NCR2: variants seen among roughly 807,000 people sequenced by gnomAD.
NCR2 encodes the protein natural cytotoxicity triggering receptor 2.
In NCR2, 35 loss-of-function variants were observed where a neutral mutation model predicts 30.7. That is an observed-to-expected ratio of 1.14 (90% CI 0.87 to 1.51). The LOEUF (loss-of-function observed/expected upper bound fraction) is 1.51, where lower values mean the gene tolerates loss of function less well. Among genes scored for constraint, NCR2 ranks in the 40% most tolerant of loss-of-function variants. The pLI, the probability that NCR2 is intolerant of heterozygous loss-of-function variation, is 0.00. For synonymous variants in NCR2, 146 were observed against 134.8 expected (o/e 1.08, Z -0.58); for missense variants, 316 against 328.9 (o/e 0.96, Z 0.30).
chr6:41,337,680 T>C (rs1769068865), intron 2 of NCR2, among the ~76,000 whole-genome samples: 1 of 152,212 alleles, frequency 6.6e-6, no homozygotes, highest in South Asian at 2.1e-4. Flanking sequence ...CACGGAGGTA[T>C]AATGTCAGAA....
chr6:41,345,480 G>A (rs763389149), intron 4 of NCR2, among the ~76,000 whole-genome samples: 59 of 152,046 alleles, frequency 3.9e-4, no homozygotes, highest in Non-Finnish European at 7.4e-4. Flanking sequence ...TGGCAAGAGT[G>A]AGGAGGGACC....
At position 41,347,170 on chromosome 6, in the gene NCR2, G is replaced by A. The variant is rs573717746; in HGVS notation, c.645-3508G>A. 4.6e-5 allele frequency among the ~76,000 whole-genome samples: 7 copies of A among 152,218 alleles called. No homozygotes were observed. The South Asian group carries it at 8.3e-4, about 18-fold the overall frequency. On this transcript the variant is annotated intron_variant, in intron 4 of 4. Coordinates refer to ENST00000373089, the MANE Select transcript of NCR2 (RefSeq NM_004828.4). ...GTGGAGGCTGCAGTGAACTATGATC[G>A]TGCCACTGCACTCCAGCCTAGGTGA... is the stretch of plus-strand genomic sequence containing the variant.
At chr6:41,343,604 T>G (rs1259522097) in intron 4 of NCR2, among the ~76,000 whole-genome samples, 2 of 152,248 alleles carry the variant, frequency 1.3e-5, no homozygotes, top group Non-Finnish European at 2.9e-5. Context: ...AACTCTGCTC[T>G]GCAACCTGGG....
At chr6:41,341,550 T>C (rs952865026) in intron 2 of NCR2, among the ~76,000 whole-genome samples, 3 of 152,080 alleles carry the variant, frequency 2.0e-5, no homozygotes, top group African/African-American at 7.2e-5. Context: ...CTGAGTCCTC[T>C]TCCAGTGCTC....
intron 2 of NCR2, among the ~76,000 whole-genome samples, chr6:41,341,042 A>C (rs1029722712): frequency 6.6e-6 from 1 of 152,008 alleles, no homozygotes; most frequent in African/African-American, 2.4e-5. Context: ...ATGTAGACCT[A>C]GTCTGCTAGG....
At chr6:41,343,580 G>C (rs1769228230) in intron 4 of NCR2, among the ~76,000 whole-genome samples, 1 of 152,240 alleles carries the variant, frequency 6.6e-6, no homozygotes, top group African/African-American at 2.4e-5. Context: ...CTCAGAACCA[G>C]AAGAGGTTTA....
chr6:41,336,477 T>C, intron 2 of NCR2, 49 bp downstream of exon 2: 1 of 1,491,304 alleles, frequency 6.7e-7, no homozygotes, highest in East Asian at 2.3e-5. Flanking sequence ...CACCCCCTTT[T>C]GGTGCCTCCA....
intron 4 of NCR2, among the ~76,000 whole-genome samples, chr6:41,343,905 C>T (rs1464856889): frequency 6.6e-6 from 1 of 152,108 alleles, no homozygotes; most frequent in African/African-American, 2.4e-5. Flanking sequence ...AATCAATGGC[C>T]TCTTATTACT....
intron 4 of NCR2, among the ~76,000 whole-genome samples, chr6:41,344,156 C>T (rs1769245489): frequency 6.6e-6 from 1 of 152,186 alleles, no homozygotes; most frequent in South Asian, 2.1e-4. Flanking sequence ...TACCTCTGTG[C>T]ATTTCTGCCA....
At position 41,341,780 on chromosome 6, in the gene NCR2, C is replaced by T; in HGVS notation, c.395-14C>T. 1 of 1,604,430 alleles carries T rather than the reference C, an allele frequency of 6.2e-7. No homozygotes were observed. The highest frequency in any genetic ancestry group is 2.2e-5 in the East Asian group (1 of 44,792). On this transcript the variant is annotated splice_polypyrimidine_tract_variant and intron_variant, in intron 2 of 4. Transcript: ENST00000373089. ...CTCCCACTCACTAACCACGCTCTTT[C>T]TCCTCCCTGGCAGCCTCTGCCTCCA...
At chr6:41,338,604 A>C (rs1769089050) in intron 2 of NCR2, among the ~76,000 whole-genome samples, 1 of 152,258 alleles carries the variant, frequency 6.6e-6, no homozygotes, top group Non-Finnish European at 1.5e-5. Context: ...GTTTGTGACA[A>C]TTAAGCTAAA....
Position 41,350,825 on chromosome 6 carries a change from G to C in NCR2, c.792G>C (p.Arg264Ser), listed in dbSNP as rs1315367836. 1 of 1,029,404 alleles carries C rather than the reference G, an allele frequency of 9.7e-7. No homozygotes were observed. Among genetic ancestry groups the C allele is most frequent in the African/African-American group, 1.6e-5 (1 of 63,640 alleles). 63.8% of individuals were successfully genotyped at this position (1,029,404 alleles called of 1,614,324 possible). ...AAATATTATATCACACTGTTGCAAG[G>C]ACTAAGATAAGCGATGATGATGATG... is the stretch of plus-strand genomic sequence containing the variant. Reference protein sequence around the residue: ...EREILYHTVARTKISDDDDEH... With the variant: ...EREILYHTVASTKISDDDDEH... Residue 264 changes from arginine to serine, a missense_variant, in exon 5 of 5, where the codon AGG becomes AGC. Transcript: ENST00000373089.
intron 4 of NCR2, among the ~76,000 whole-genome samples, chr6:41,343,528 A>G (rs991567721): frequency 6.6e-6 from 1 of 152,228 alleles, no homozygotes; most frequent in Non-Finnish European, 1.5e-5. Context: ...TAAATTTAAC[A>G]GAGTTTATCT....
chr6:41,336,461 GC>G, intron 2 of NCR2, 33 bp downstream of exon 2: 2 of 1,566,306 alleles, frequency 1.3e-6, no homozygotes. Flanking sequence ...TCAGAGGGGT[GC>G]CCCTCACCCC....
intron 4 of NCR2, among the ~76,000 whole-genome samples, 173 bp from the exon 5 acceptor site, chr6:41,350,505 A>G (rs1769399528): frequency 6.6e-6 from 1 of 152,254 alleles, no homozygotes; most frequent in Non-Finnish European, 1.5e-5. Flanking sequence ...AAATCCATGC[A>G]TGCTCACTGA....
chr6:41,346,449 C>A (rs893753748), intron 4 of NCR2, among the ~76,000 whole-genome samples: 1 of 152,194 alleles, frequency 6.6e-6, no homozygotes, highest in African/African-American at 2.4e-5. Context: ...CCACCCGCCC[C>A]TTTCCGCCAT....
chr6:41,338,105 C>T (rs2114049407), intron 2 of NCR2, among the ~76,000 whole-genome samples: 1 of 152,282 alleles, frequency 6.6e-6, no homozygotes. Context: ...CATTGAAAAA[C>T]ATGTCGCTTT....
At chr6:41,345,761 T>C (rs1002567800) in intron 4 of NCR2, among the ~76,000 whole-genome samples, 1 of 152,106 alleles carries the variant, frequency 6.6e-6, no homozygotes, top group Non-Finnish European at 1.5e-5. Context: ...TTAGCCCCAA[T>C]TCCCACTCGT....
Position 41,341,823 on chromosome 6 carries a change from C to A in NCR2, c.424C>A (p.Pro142Thr). 1.2e-6 allele frequency: 2 copies of A among 1,612,550 alleles called. No homozygotes were observed. The highest frequency in any genetic ancestry group is 1.7e-6 in the Non-Finnish European group (2 of 1,179,780). The change falls in exon 3 of 5, where the codon CCC becomes ACC. Residue 142 changes from proline (P) to threonine (T), a missense_variant. Physicochemically the swap from Pro to Thr is conservative, Grantham distance 38. Coordinates refer to ENST00000373089, the MANE Select transcript of NCR2 (RefSeq NM_004828.4). ...ASASTQTSWTPRDLVSSQTQT... is the reference protein window; with the variant it reads ...ASASTQTSWTTRDLVSSQTQT... ...TGCCTCCACACAGACCTCCTGGACT[C>A]CCCGCGACCTGGTCTCTTCACAGAC...
Sources: allele counts gnomAD v4.1 joint callset (sites outside exome capture counted in the v4.1 genomes callset), GRCh38; gene constraint gnomAD v4.1.1; transcripts MANE v1.5; gene names NCBI Gene and HGNC (gene_info 2026-07-23, HGNC 2026-07-21).